The following SKIC3 variants were observed in gnomAD, a reference collection of about 807,000 sequenced individuals.
SKIC3 encodes superkiller complex protein 3.
the SKIC3 span, among the ~76,000 whole-genome samples, chr5:95,515,770 GA>G: frequency 6.6e-6 from 1 of 152,014 alleles, no homozygotes; most frequent in South Asian, 2.1e-4. Context: ...TATACCAGCT[GA>G]AACACAAAAC....
chr5:95,532,848 T>C, the SKIC3 span, among the ~76,000 whole-genome samples: 2 of 152,148 alleles, frequency 1.3e-5, no homozygotes, highest in Admixed American at 6.6e-5. Context: ...GTAATAACTA[T>C]GAAATTCTGT....
the SKIC3 span, chr5:95,513,766 TAA>T: frequency 2.3e-6 from 2 of 861,280 alleles, no homozygotes; most frequent in Admixed American, 4.3e-5. Flanking sequence ...AAAGTTAACC[TAA>T]GTTTTTCACT....
chr5:95,541,946 A>C, the SKIC3 span: 1 of 1,324,150 alleles, frequency 7.6e-7, no homozygotes, highest in Non-Finnish European at 1.1e-6. Flanking sequence ...TTTTCCTAAA[A>C]CATTTGCTGT....
chr5:95,529,377 C>A, the SKIC3 span: 1 of 477,152 alleles, frequency 2.1e-6, no homozygotes, highest in Non-Finnish European at 3.8e-6. Flanking sequence ...TAGAATATCT[C>A]TAAAAAGACA....
the SKIC3 span, chr5:95,468,110 ATTT>A: frequency 8.7e-6 from 11 of 1,269,718 alleles, no homozygotes; most frequent in African/African-American, 1.2e-4. Flanking sequence ...TCTGATTATG[ATTT>A]TTTAATTCAG....
the SKIC3 span, among the ~76,000 whole-genome samples, chr5:95,523,028 T>C: frequency 6.6e-6 from 1 of 152,188 alleles, no homozygotes; most frequent in Non-Finnish European, 1.5e-5. Flanking sequence ...CAGGACACCA[T>C]TTAATCCATC....
chr5:95,535,615 C>T, the SKIC3 span, among the ~76,000 whole-genome samples: 1 of 150,480 alleles, frequency 6.6e-6, no homozygotes. Context: ...CGGCCAGTAA[C>T]AGCATTTTTT....
At chr5:95,540,487 A>C in the SKIC3 span, among the ~76,000 whole-genome samples, 5 of 152,164 alleles carry the variant, frequency 3.3e-5, no homozygotes, top group African/African-American at 1.2e-4. Flanking sequence ...AAAAAGAAAC[A>C]AACCCAATAA....
At chr5:95,530,492 T>G in the SKIC3 span, among the ~76,000 whole-genome samples, 1 of 152,198 alleles carries the variant, frequency 6.6e-6, no homozygotes, top group Admixed American at 6.5e-5. Flanking sequence ...TACTTGCCAG[T>G]AGACTAAGCC....
chr5:95,520,680 C>A, the SKIC3 span: 22 of 1,526,826 alleles, frequency 1.4e-5, no homozygotes, highest in Non-Finnish European at 1.9e-5. Flanking sequence ...TTTAATATTA[C>A]AAAAATAAAC....
the SKIC3 span, among the ~76,000 whole-genome samples, chr5:95,518,512 G>A: frequency 7.0e-6 from 1 of 143,086 alleles, no homozygotes; most frequent in Non-Finnish European, 1.5e-5. Context: ...TTACTTCTAT[G>A]AGATCAATTT....
the SKIC3 span, among the ~76,000 whole-genome samples, chr5:95,479,671 A>C: frequency 7.1e-6 from 1 of 140,722 alleles, no homozygotes; most frequent in African/African-American, 2.9e-5. Context: ...TATAGGAAAA[A>C]ACATTGTGTG....
At chr5:95,493,807 A>G in the SKIC3 span, among the ~76,000 whole-genome samples, 1 of 151,198 alleles carries the variant, frequency 6.6e-6, no homozygotes, top group Middle Eastern at 3.2e-3. Context: ...ACATTATTTC[A>G]TATTTAAAAT....
At chr5:95,503,122 TCTCCTGTTCTCAAGCAGA>T in the SKIC3 span, 3 of 1,093,264 alleles carry the variant, frequency 2.7e-6, no homozygotes, top group African/African-American at 1.6e-5. Context: ...ATCTTTGTAT[TCTCCTGTTCTCAAGCAGA>T]TAGAATAAAA....
the SKIC3 span, chr5:95,490,823 A>T: frequency 3.7e-5 from 57 of 1,558,850 alleles, no homozygotes; most frequent in Non-Finnish European, 5.0e-5. Context: ...TTATAACAAC[A>T]TATGCTGAAG....
the SKIC3 span, among the ~76,000 whole-genome samples, chr5:95,469,135 T>C: frequency 6.6e-6 from 1 of 152,212 alleles, no homozygotes; most frequent in Non-Finnish European, 1.5e-5. Flanking sequence ...TACAGATGCT[T>C]TGTATTATAT....
the SKIC3 span, among the ~76,000 whole-genome samples, chr5:95,476,781 G>C: frequency 6.6e-6 from 1 of 152,110 alleles, no homozygotes; most frequent in Non-Finnish European, 1.5e-5. Flanking sequence ...GTAAAGGTGG[G>C]GTGGGGGATT....
chr5:95,512,770 A>G, the SKIC3 span: 3 of 817,880 alleles, frequency 3.7e-6, no homozygotes, highest in Non-Finnish European at 5.8e-6. Flanking sequence ...ATGAAGGGTC[A>G]CTATGATAAA....
chr5:95,528,138 C>G, the SKIC3 span: 2 of 1,613,662 alleles, frequency 1.2e-6, no homozygotes, highest in Non-Finnish European at 1.7e-6. Context: ...CCAAGATTAT[C>G]TACGATCTTC....
Sources: gnomAD v4.1 joint callset for allele counts (sites outside exome capture counted in the v4.1 genomes callset) on GRCh38, gnomAD v4.1.1 for gene constraint, MANE v1.5 for transcripts, NCBI Gene and HGNC (gene_info 2026-07-23, HGNC 2026-07-21) for gene names.